The following THADA variants were observed in gnomAD, a reference collection of about 807,000 sequenced individuals.
The protein encoded by THADA is tRNA (32-2'-O)-methyltransferase regulator THADA.
In THADA, 213 loss-of-function variants were observed where a neutral mutation model predicts 219.8. That is an observed-to-expected ratio of 0.97 (90% CI 0.87 to 1.09). THADA has a LOEUF of 1.09. THADA is among the 50% of genes least tolerant of loss of function. The pLI, the probability that THADA is intolerant of heterozygous loss-of-function variation, is 0.00. For synonymous variants in THADA, 1,018 were observed against 828.9 expected (o/e 1.23, Z -3.92); for missense variants, 2,956 against 2,311.3 (o/e 1.28, Z -5.72).
In THADA at chr2:43,344,176, T is replaced by C. The variant is rs763803266; in HGVS notation, c.4289A>G (p.His1430Arg). 59 of 1,612,762 alleles carry C rather than the reference T, an allele frequency of 3.7e-5. 1 individual carries two copies. In the South Asian group the frequency reaches 6.3e-4, roughly 17 times the overall value. The change falls in exon 30 of 38, where the codon CAC (histidine) becomes CGC (arginine). Residue 1430 changes from histidine (H) to arginine (R), a missense_variant. Transcript: ENST00000405975. The stretch of plus-strand genomic sequence containing the variant: ...ACAAACAGTGATGTCAGTCAGCTCG[T>C]GCTGGAAGTCTGAATTCGTTCCGTG... ...SKHGTNSDFQ[H>R]ELTDITVCTK...
chr2:43,293,925 C>G (rs1030791767), intron 31 of THADA, among the ~76,000 whole-genome samples: 1 of 152,172 alleles, frequency 6.6e-6, no homozygotes, highest in African/African-American at 2.4e-5. Flanking sequence ...CATGGTTTGA[C>G]CCGCAGGACT....
At chr2:43,585,560 AT>A (rs1467359706) in intron 7 of THADA, among the ~76,000 whole-genome samples, 40 of 151,314 alleles carry the variant, frequency 2.6e-4, no homozygotes, top group African/African-American at 7.8e-4. Context: ...AGATAGATAG[AT>A]AGATAGATAG....
intron 28 of THADA, among the ~76,000 whole-genome samples, chr2:43,399,093 G>A (rs1479740863): frequency 6.6e-6 from 1 of 152,208 alleles, no homozygotes; most frequent in African/African-American, 2.4e-5. Context: ...GCACTTTAAA[G>A]CCTTCACAGA....
intron 26 of THADA, chr2:43,484,249 T>C (rs1382238237): frequency 6.0e-6 from 1 of 165,394 alleles, no homozygotes; most frequent in Non-Finnish European, 1.5e-5. Flanking sequence ...GTAGGTTTCA[T>C]TAGAATTATC....
intron 31 of THADA, among the ~76,000 whole-genome samples, chr2:43,316,794 G>A (rs1678133970): frequency 6.6e-6 from 1 of 152,150 alleles, no homozygotes. Flanking sequence ...AGGCGTGGTG[G>A]CACATGCCTG....
chr2:43,369,142 G>A (rs1443870526), intron 29 of THADA, among the ~76,000 whole-genome samples: 1 of 152,120 alleles, frequency 6.6e-6, no homozygotes, highest in Non-Finnish European at 1.5e-5. Context: ...ACCAAACATT[G>A]TTACTAAATT....
chr2:43,385,630 A>T (rs1024140046), intron 29 of THADA, among the ~76,000 whole-genome samples: 2 of 148,510 alleles, frequency 1.3e-5, no homozygotes, highest in Admixed American at 6.7e-5. Context: ...AAAAAAAAAA[A>T]GAAGAAGGGG....
intron 31 of THADA, among the ~76,000 whole-genome samples, chr2:43,295,622 T>A (rs1675278609): frequency 6.6e-6 from 1 of 152,228 alleles, no homozygotes; most frequent in Non-Finnish European, 1.5e-5. Context: ...TTATAGCTAA[T>A]AAAACACCGT....
At chr2:43,316,725 C>T (rs978524191) in intron 31 of THADA, among the ~76,000 whole-genome samples, 4 of 152,052 alleles carry the variant, frequency 2.6e-5, no homozygotes, top group East Asian at 3.8e-4. Context: ...GTTGGGAGTT[C>T]GAGACCAGCC....
At chr2:43,420,999 T>C (rs140131734) in intron 28 of THADA, among the ~76,000 whole-genome samples, 102 of 152,302 alleles carry the variant, frequency 6.7e-4, no homozygotes, top group Middle Eastern at 6.8e-3. Flanking sequence ...AACCTTCCAA[T>C]CTCTGCTTCT....
chr2:43,444,893 A>C (rs1041135182), intron 26 of THADA, among the ~76,000 whole-genome samples: 1 of 152,316 alleles, frequency 6.6e-6, no homozygotes, highest in East Asian at 1.9e-4. Flanking sequence ...ACTGCATAGG[A>C]AACAGTAGTA....
intron 31 of THADA, among the ~76,000 whole-genome samples, chr2:43,297,726 G>A (rs1675680588): frequency 7.8e-6 from 1 of 128,204 alleles, no homozygotes; most frequent in Non-Finnish European, 1.7e-5. Context: ...AGGGAGGTGG[G>A]GGGGTCGGCC....
intron 28 of THADA, among the ~76,000 whole-genome samples, chr2:43,419,992 G>A (rs1342916680): frequency 6.6e-6 from 1 of 152,160 alleles, no homozygotes; most frequent in African/African-American, 2.4e-5. Flanking sequence ...TCAAGTGGAA[G>A]CAAAGCTCTT....
intron 9 of THADA, among the ~76,000 whole-genome samples, chr2:43,577,901 C>A (rs1700025670): frequency 6.6e-6 from 1 of 151,800 alleles, no homozygotes; most frequent in Non-Finnish European, 1.5e-5. Context: ...TTAAAAATAT[C>A]TTTTAAGATA....
At chr2:43,521,812 C>G (rs1296136470) in intron 22 of THADA, among the ~76,000 whole-genome samples, 2 of 152,210 alleles carry the variant, frequency 1.3e-5, no homozygotes, top group Non-Finnish European at 2.9e-5. Flanking sequence ...AATCAAATTA[C>G]ATAAGCTGTA....
chr2:43,239,025 TG>T (rs1411170470), intron 36 of THADA, among the ~76,000 whole-genome samples: 1 of 151,986 alleles, frequency 6.6e-6, no homozygotes, highest in African/African-American at 2.4e-5. Flanking sequence ...TTCAAATGGG[TG>T]GGGTTAGCTG....
intron 28 of THADA, among the ~76,000 whole-genome samples, chr2:43,417,287 A>G (rs1013622532): frequency 1.3e-5 from 2 of 152,176 alleles, no homozygotes; most frequent in African/African-American, 2.4e-5. Context: ...AAAATTATGC[A>G]TAAATAGCAG....
chr2:43,443,446 G>C (rs1267671466), intron 26 of THADA, among the ~76,000 whole-genome samples: 1 of 152,178 alleles, frequency 6.6e-6, no homozygotes, highest in East Asian at 1.9e-4. Context: ...TTTACAAACA[G>C]TTCAATTCTA....
At position 43,485,113 on chromosome 2, in the gene THADA, T is replaced by C. The variant is rs140333267; in HGVS notation, c.3836+121A>G. 233 of 698,112 alleles carry C rather than the reference T, an allele frequency of 3.3e-4. 2 individuals carry two copies. The Middle Eastern group carries it at 0.011, about 32-fold the overall frequency. 43.2% of individuals were successfully genotyped at this position (698,112 alleles called of 1,614,324 possible). A position where few individuals can be genotyped will look rare whatever the true frequency, so the allele number is the denominator to read the frequency against. ...CAGCATAGGTTAATTCATTACAGTA[T>C]TTTTATAGTTTTATGCTCTAGATGA... On this transcript the variant is annotated intron_variant, in intron 26 of 37. Coordinates refer to ENST00000405975, the MANE Select transcript of THADA (RefSeq NM_022065.5).
Sources: allele counts gnomAD v4.1 joint callset (sites outside exome capture counted in the v4.1 genomes callset), GRCh38; gene constraint gnomAD v4.1.1; transcripts MANE v1.5; gene names NCBI Gene and HGNC (gene_info 2026-07-23, HGNC 2026-07-21).